The following CASP5 variants were observed in gnomAD, a reference collection of about 807,000 sequenced individuals.
CASP5 encodes caspase-5.
CASP5 carries 42 observed loss-of-function variants against 45.2 expected under a neutral mutation model. The ratio of observed to expected loss-of-function variants is 0.93; its 90% CI spans 0.73 to 1.20. CASP5 has a LOEUF of 1.20. CASP5 is among the 50% of genes most tolerant of loss of function. CASP5 has a pLI of 0.00. For synonymous variants in CASP5, 209 were observed against 186.2 expected (o/e 1.12, Z -1.00); for missense variants, 512 against 532.2 (o/e 0.96, Z 0.37).
intron 8 of CASP5, among the ~76,000 whole-genome samples, chr11:104,996,526 T>G (rs1355434889): frequency 6.6e-6 from 1 of 152,230 alleles, no homozygotes; most frequent in Non-Finnish European, 1.5e-5. Flanking sequence ...TTCTCTATAA[T>G]TTTTAATTTA....
At chr11:105,018,045 C>T (rs1358924952) in intron 1 of CASP5, among the ~76,000 whole-genome samples, 1 of 151,836 alleles carries the variant, frequency 6.6e-6, no homozygotes, top group Middle Eastern at 3.4e-3. Context: ...AATTTCATAT[C>T]CAGCCAAACT....
chr11:105,008,985 CA>C lies in CASP5; in HGVS notation c.8-6del. ...TTTTTTTTTTGCCACTGTCTTCTAT[CA>C]GAAATATAAAGACTCCTTCAACTCT... is the stretch of plus-strand genomic sequence containing the variant. On this transcript the variant is annotated splice_region_variant and splice_polypyrimidine_tract_variant and intron_variant, in intron 1 of 9. Coordinates refer to ENST00000260315, the MANE Select transcript of CASP5 (RefSeq NM_004347.5). 1 of 1,611,480 alleles carries C rather than the reference CA, an allele frequency of 6.2e-7. No individual in the cohort carries two copies. Among genetic ancestry groups the C allele is most frequent in the Non-Finnish European group, 8.5e-7 (1 of 1,178,872 alleles).
chr11:105,015,667 A>T (rs1862551639), intron 1 of CASP5, among the ~76,000 whole-genome samples: 1 of 152,150 alleles, frequency 6.6e-6, no homozygotes, highest in South Asian at 2.1e-4. Context: ...CAGTAAAGTC[A>T]GCCTGCCCGG....
chr11:105,023,124 A>G lies in CASP5; in HGVS notation c.7+6T>C. The G allele has an allele frequency of 6.4e-7, 1 of 1,551,038 alleles. No individual in the cohort carries two copies. The highest frequency in any genetic ancestry group is 8.7e-7 in the Non-Finnish European group (1 of 1,146,478). On this transcript the variant is annotated splice_donor_region_variant and intron_variant, in intron 1 of 9. Transcript: ENST00000260315. ...AGCTGCTAGTCAGAAAAGGGCCCAG[A>G]CTCACCAGCCATAGCTAACAGCCTC...
intron 1 of CASP5, among the ~76,000 whole-genome samples, chr11:105,021,595 C>T (rs1352705975): frequency 6.7e-6 from 1 of 148,978 alleles, no homozygotes; most frequent in Non-Finnish European, 1.5e-5. Flanking sequence ...AAATGCAAAT[C>T]AAAACCACAA....
intron 1 of CASP5, among the ~76,000 whole-genome samples, chr11:105,013,328 G>A (rs538937628): frequency 9.2e-5 from 14 of 152,050 alleles, no homozygotes; most frequent in Non-Finnish European, 1.5e-4. Context: ...GGAGAAGTAA[G>A]TTTAAGAAAT....
At chr11:105,017,825 G>T (rs1037227468) in intron 1 of CASP5, among the ~76,000 whole-genome samples, 1 of 151,720 alleles carries the variant, frequency 6.6e-6, no homozygotes, top group Non-Finnish European at 1.5e-5. Flanking sequence ...GATACTCCTC[G>T]AGAAGAGCAA....
At chr11:105,019,497 A>G (rs2134765598) in intron 1 of CASP5, among the ~76,000 whole-genome samples, 1 of 151,378 alleles carries the variant, frequency 6.6e-6, no homozygotes, top group South Asian at 2.1e-4. Flanking sequence ...CCACAGAAAT[A>G]CAAACTACCA....
intron 1 of CASP5, among the ~76,000 whole-genome samples, chr11:105,022,668 C>A (rs76236687): frequency 0.027 from 4,046 of 152,166 alleles, 159 homozygotes; most frequent in African/African-American, 0.092. Flanking sequence ...AAAATGCAAT[C>A]ACTTTAAACA....
intron 1 of CASP5, among the ~76,000 whole-genome samples, chr11:105,009,910 C>CAT (rs200875915): frequency 8.4e-5 from 11 of 130,178 alleles, no homozygotes; most frequent in East Asian, 8.4e-4. Context: ...TATATATACA[C>CAT]ATATATATAT....
chr11:104,998,869 A>G lies in CASP5; in HGVS notation c.1096+16T>C. 1.2e-6 allele frequency: 2 copies of G among 1,606,838 alleles called. No individual in the cohort carries two copies. The highest frequency in any genetic ancestry group is 1.7e-6 in the Non-Finnish European group (2 of 1,177,436). ...CAGCACCCCCAAATTTTTGACTGTT[A>G]CTAAAAGACACATACGTGGTGTTGA... On this transcript the variant is annotated intron_variant, in intron 7 of 9. Transcript: ENST00000260315.
intron 1 of CASP5, among the ~76,000 whole-genome samples, chr11:105,009,775 ATATATATATATACACACG>A (rs1242341453): frequency 2.3e-4 from 26 of 113,206 alleles, no homozygotes; most frequent in Non-Finnish European, 3.1e-4. Flanking sequence ...ACACACGTAT[ATATATATATATACACACG>A]TATATATATA....
At chr11:105,014,143 A>AT (rs1034790392) in intron 1 of CASP5, among the ~76,000 whole-genome samples, 3 of 152,090 alleles carry the variant, frequency 2.0e-5, no homozygotes, top group Admixed American at 2.0e-4. Context: ...AGGCCTTCTC[A>AT]TTCAGCCTCA....
At chr11:105,006,953 T>A (rs1862026614) in intron 3 of CASP5, 130 bp downstream of exon 3, 3 of 834,570 alleles carry the variant, frequency 3.6e-6, no homozygotes, top group African/African-American at 3.4e-5. Context: ...AACAGGATGA[T>A]GACATGTTTA....
In CASP5 at chr11:105,001,785, A is replaced by G. The variant is rs367606691; in HGVS notation, c.717+243T>C. ...TTGGAACTCAGTAACAATTGCGAAA[A>G]TACATGCCAATCATATTTTGTCTAG... On this transcript the variant is annotated intron_variant, in intron 5 of 9. Coordinates refer to ENST00000260315, the MANE Select transcript of CASP5 (RefSeq NM_004347.5). 2.6e-5 allele frequency among the ~76,000 whole-genome samples: 4 copies of G among 152,308 alleles called. No individual in the cohort carries two copies. The East Asian group carries it at 5.8e-4, about 22-fold the overall frequency.
intron 9 of CASP5, among the ~76,000 whole-genome samples, chr11:104,994,790 C>A (rs766265385): frequency 6.6e-6 from 1 of 152,232 alleles, no homozygotes; most frequent in Non-Finnish European, 1.5e-5. Context: ...AACACCTCTC[C>A]TGCATAAGAA....
At chr11:105,004,192 T>C (rs1861891749) in intron 3 of CASP5, among the ~76,000 whole-genome samples, 1 of 152,160 alleles carries the variant, frequency 6.6e-6, no homozygotes, top group Admixed American at 6.5e-5. Context: ...CAGTACACAA[T>C]AGTACTGTGT....
At chr11:104,998,259 A>G (rs992585904) in intron 7 of CASP5, among the ~76,000 whole-genome samples, 3 of 152,204 alleles carry the variant, frequency 2.0e-5, no homozygotes, top group African/African-American at 7.2e-5. Context: ...CTATGCCTCC[A>G]TAAAGTGGTT....
Position 105,000,393 on chromosome 11 carries a change from A to G in CASP5, c.820T>C (p.Cys274Arg). 2.5e-6 allele frequency: 4 copies of G among 1,614,224 alleles called. No individual in the cohort carries two copies. The highest frequency in any genetic ancestry group is 3.4e-6 in the Non-Finnish European group (4 of 1,180,034). Residue 274 changes from cysteine to arginine, a missense_variant, in exon 6 of 10, where the codon TGC (cysteine) becomes CGC (arginine). Coordinates refer to ENST00000260315, the MANE Select transcript of CASP5 (RefSeq NM_004347.5). The part of the protein sequence containing the change: ...LMSHGILEGI[C>R]GTAHKKKKPD... ...TTTTTCTTTTTATGCGCAGTTCCGCAGATTCCCTCTAGGATGCCATGAGAC... is the reference window on the plus strand; with the variant it reads ...TTTTTCTTTTTATGCGCAGTTCCGCGGATTCCCTCTAGGATGCCATGAGAC...
Sources: gnomAD v4.1 joint callset for allele counts (sites outside exome capture counted in the v4.1 genomes callset) on GRCh38, gnomAD v4.1.1 for gene constraint, MANE v1.5 for transcripts, NCBI Gene and HGNC (gene_info 2026-07-23, HGNC 2026-07-21) for gene names.